ALMS1: variants seen among roughly 807,000 people sequenced by gnomAD.
ALMS1 encodes the protein ALMS1 centrosome and basal body associated protein.
ALMS1 carries 271 observed loss-of-function variants against 352.2 expected under a neutral mutation model. The observed-to-expected ratio is 0.77, with a 90% CI of 0.70 to 0.85. The LOEUF (loss-of-function observed/expected upper bound fraction) is 0.85. Ranked by LOEUF, ALMS1 falls within the 40% of genes least tolerant of loss-of-function variation. ALMS1 has a pLI of 0.00. For missense variants in ALMS1, 5,445 were observed against 4,870.7 expected, an observed-to-expected ratio of 1.12 and a Z score of -3.51; for synonymous variants, 1,865 against 1,761.2, an observed-to-expected ratio of 1.06 and a Z score of -1.48.
Position 73,452,572 on chromosome 2 carries a change from C to A in ALMS1, c.6045C>A (p.Thr2015=). 1 of 1,614,034 alleles carries A rather than the reference C, an allele frequency of 6.2e-7. No individual in the cohort carries two copies. The highest frequency in any genetic ancestry group is 8.5e-7 in the Non-Finnish European group (1 of 1,179,972). Residue 2015 remains threonine (T), a synonymous_variant, in exon 8 of 23, where the codon ACC becomes ACA. Coordinates refer to ENST00000613296, the MANE Select transcript of ALMS1 (RefSeq NM_001378454.1). The stretch of plus-strand genomic sequence containing the variant: ...AGAAAACTGAGTTTCCAGCAGCTAC[C>A]CTTAGTTCCTACTCACAAATAGAGA... ...DDQKTEFPAA[T]LSSYSQIEKP... is the part of the protein sequence containing the mutation.
Position 73,572,631 on chromosome 2 carries a change from A to G in ALMS1, c.10754A>G (p.Lys3585Arg), listed in dbSNP as rs781187789. 6 of 1,614,076 alleles carry G rather than the reference A, an allele frequency of 3.7e-6. No homozygotes were observed. The highest frequency in any genetic ancestry group is 5.1e-6 in the Non-Finnish European group (6 of 1,180,000). Reference protein sequence around the residue: ...GQISDPQRDQKVTPEQTTQHT... With the variant: ...GQISDPQRDQRVTPEQTTQHT... Reference sequence around the variant, plus strand: ...ATTAGTGATCCACAAAGGGATCAGAAGGTCACCCCAGAGCAAACAACTCAG... The same window carrying G: ...ATTAGTGATCCACAAAGGGATCAGAGGGTCACCCCAGAGCAAACAACTCAG... The change falls in exon 16 of 23, where the codon AAG becomes AGG. Residue 3585 changes from lysine to arginine, a missense_variant. Lys to Arg is a conservative substitution (Grantham distance 26). Transcript: ENST00000613296.
chr2:73,518,494 C>G (rs1392387834), intron 10 of ALMS1, among the ~76,000 whole-genome samples: 2 of 152,094 alleles, frequency 1.3e-5, no homozygotes, highest in East Asian at 3.9e-4. Flanking sequence ...CAATGGATTG[C>G]TGAGTCAAAT....
At chr2:73,555,639 C>T (rs575804302) in intron 13 of ALMS1, among the ~76,000 whole-genome samples, 18 of 152,106 alleles carry the variant, frequency 1.2e-4, no homozygotes, top group African/African-American at 3.1e-4. Flanking sequence ...TTTGCCTAAA[C>T]GATATCAAAC....
intron 5 of ALMS1, among the ~76,000 whole-genome samples, chr2:73,425,578 T>C (rs1214178919): frequency 1.3e-5 from 2 of 152,170 alleles, no homozygotes; most frequent in Non-Finnish European, 2.9e-5. Flanking sequence ...GCTGAAAATA[T>C]AGCCTTTGAG....
chr2:73,603,123 C>T, intron 20 of ALMS1, 118 bp from the exon 21 acceptor site: 1 of 900,796 alleles, frequency 1.1e-6, no homozygotes, highest in South Asian at 1.4e-5. Context: ...GCTCCCCACT[C>T]AGTCTTGCCA....
Position 73,490,316 on chromosome 2 carries a change from C to G in ALMS1, c.8357C>G (p.Thr2786Ser), listed in dbSNP as rs565373304. 13 of 1,611,574 alleles carry G rather than the reference C, an allele frequency of 8.1e-6. No individual in the cohort carries two copies. The African/African-American group carries it at 1.7e-4, about 22-fold the overall frequency. ...MHSNSQDKEV[T>S]ILAEGRRQSQ... ...AGTAATTCACAAGATAAAGAAGTGA[C>G]TATTTTAGCAGAAGGTAGAAGGCAA... The change falls in exon 10 of 23, where the codon ACT (threonine) becomes AGT (serine). Residue 2786 changes from threonine (T) to serine (S), a missense_variant. Physicochemically the swap from Thr to Ser is moderately conservative, Grantham distance 58. Transcript: ENST00000613296.
At chr2:73,457,494 C>T (rs1415723899) in intron 9 of ALMS1, among the ~76,000 whole-genome samples, 4 of 152,030 alleles carry the variant, frequency 2.6e-5, no homozygotes, top group African/African-American at 4.8e-5. Context: ...CCGCCTGCCT[C>T]GGCCTCCCAA....
In ALMS1 at chr2:73,448,836, C is replaced by G. The variant is rs187132771; in HGVS notation, c.2309C>G (p.Pro770Arg). 6.2e-7 allele frequency: 1 copy of G among 1,613,832 alleles called. No individual in the cohort carries two copies. Among genetic ancestry groups the G allele is most frequent in the East Asian group, 2.2e-5 (1 of 44,846 alleles). Residue 770 changes from proline (P) to arginine (R), a missense_variant, in exon 8 of 23, where the codon CCT becomes CGT. Transcript: ENST00000613296. ...QSSSYSQREK[P>R]SILYPQDLAD... Reference sequence around the variant, plus strand: ...AGTTCTTACTCACAAAGAGAAAAGCCTAGTATTTTGTACCCACAGGACTTA... The same window carrying G: ...AGTTCTTACTCACAAAGAGAAAAGCGTAGTATTTTGTACCCACAGGACTTA...
At chr2:73,438,817 T>C (rs1014072466) in intron 7 of ALMS1, among the ~76,000 whole-genome samples, 5 of 152,186 alleles carry the variant, frequency 3.3e-5, no homozygotes, top group African/African-American at 9.7e-5. Flanking sequence ...AATTTCTTAG[T>C]GCCTTTACTA....
chr2:73,424,871 T>G lies in ALMS1; in HGVS notation c.1206T>G (p.Asp402Glu). The G allele has an allele frequency of 6.2e-7, 1 of 1,604,560 alleles. No individual in the cohort carries two copies. The highest frequency in any genetic ancestry group is 8.5e-7 in the Non-Finnish European group (1 of 1,174,638). ...RSYGQYWTQE[D>E]SSKQAETYLT... Reference sequence around the variant, plus strand: ...ATGGGCAGTATTGGACACAGGAAGATTCATCTAAGCAGGCAGAAACATATT... The same window carrying G: ...ATGGGCAGTATTGGACACAGGAAGAGTCATCTAAGCAGGCAGAAACATATT... The change falls in exon 5 of 23, where the codon GAT becomes GAG. Residue 402 changes from aspartate (D) to glutamate (E), a missense_variant. Asp to Glu is a conservative substitution (Grantham distance 45). Transcript: ENST00000613296.
chr2:73,431,914 A>G (rs947820652), intron 6 of ALMS1, among the ~76,000 whole-genome samples: 36 of 152,176 alleles, frequency 2.4e-4, no homozygotes, highest in South Asian at 6.2e-4. Context: ...ACTATCTATA[A>G]TATTTTATCT....
At chr2:73,428,371 C>G (rs552286450) in intron 6 of ALMS1, among the ~76,000 whole-genome samples, 3 of 152,112 alleles carry the variant, frequency 2.0e-5, no homozygotes, top group African/African-American at 7.2e-5. Flanking sequence ...AAACTGTTCC[C>G]CCTCCCCCCA....
rs1675678518 is a variant in ALMS1, at chr2:73,601,243, A to T, written c.11921A>T (p.Lys3974Met). Reference sequence around the variant, plus strand: ...GAAAATGTGGAGTCTAGATCAAAGAAGGAAAACGTGCCTAACACTTGTGGC... The same window carrying T: ...GAAAATGTGGAGTCTAGATCAAAGATGGAAAACGTGCCTAACACTTGTGGC... ...PVENVESRSKKENVPNTCGPG... is the reference protein window; with the variant it reads ...PVENVESRSKMENVPNTCGPG... The change falls in exon 19 of 23, where the codon AAG becomes ATG. Residue 3974 changes from lysine (K) to methionine (M), a missense_variant. Coordinates refer to ENST00000613296, the MANE Select transcript of ALMS1 (RefSeq NM_001378454.1). The T allele has an allele frequency of 6.2e-7, 1 of 1,614,110 alleles. No homozygotes were observed. Among genetic ancestry groups the T allele is most frequent in the Non-Finnish European group, 8.5e-7 (1 of 1,180,042 alleles).
At chr2:73,554,635 C>T (rs916355389) in intron 13 of ALMS1, among the ~76,000 whole-genome samples, 1 of 152,112 alleles carries the variant, frequency 6.6e-6, no homozygotes, top group African/African-American at 2.4e-5. Context: ...ATGGCATGAA[C>T]CTGGGAGGCG....
Position 73,448,773 on chromosome 2 carries a change from C to A in ALMS1, c.2246C>A (p.Pro749Gln). 1 of 1,614,118 alleles carries A rather than the reference C, an allele frequency of 6.2e-7. No individual in the cohort carries two copies. Among genetic ancestry groups the A allele is most frequent in the Non-Finnish European group, 8.5e-7 (1 of 1,179,984 alleles). Residue 749 changes from proline (P) to glutamine (Q), a missense_variant, in exon 8 of 23, where the codon CCA (proline) becomes CAA (glutamine). Coordinates refer to ENST00000613296, the MANE Select transcript of ALMS1 (RefSeq NM_001378454.1). ...TLTKVSATPG[P>Q]ADQKTEIPAV... ...ACTAAAGTTTCAGCCACTCCTGGAC[C>A]AGCTGACCAGAAGACTGAGATACCA...
chr2:73,449,368 A>T lies in ALMS1; in HGVS notation c.2841A>T (p.Thr947=), dbSNP rs1458389707. 1.9e-6 allele frequency: 3 copies of T among 1,614,020 alleles called. No individual in the cohort carries two copies. The African/African-American group carries it at 4.0e-5, about 22-fold the overall frequency. The change falls in exon 8 of 23, where the codon ACA becomes ACT. Residue 947 remains threonine, a synonymous_variant. Transcript: ENST00000613296. ...VSVLAAQKTG[T]PTVSSNSHSH... is the part of the protein sequence containing the mutation. The stretch of plus-strand genomic sequence containing the variant: ...TATTGGCTGCCCAGAAGACTGGGAC[A>T]CCAACAGTGTCCTCTAATTCTCACT...
Position 73,424,754 on chromosome 2 carries a change from TA to T in ALMS1, c.1092del (p.Asp365IlefsTer11), listed in dbSNP as rs1572914641. On this transcript the variant is annotated frameshift_variant, in exon 5 of 23. Coordinates refer to ENST00000613296, the MANE Select transcript of ALMS1 (RefSeq NM_001378454.1). LOFTEE classifies it high-confidence loss of function. ...TQWPENNLADKDQVSVATSFD... is the reference protein window; with the variant it reads ...TQWPENNLADXDQVSVATSFD... ...AGTGGCCTGAAAACAATTTAGCTGATAAAGATCAAGTTTCAGTTGCAACTTC... is the reference window on the plus strand; with the variant it reads ...AGTGGCCTGAAAACAATTTAGCTGATAAGATCAAGTTTCAGTTGCAACTTC... The T allele has an allele frequency of 6.2e-7, 1 of 1,613,966 alleles. No individual in the cohort carries two copies. The highest frequency in any genetic ancestry group is 8.5e-7 in the Non-Finnish European group (1 of 1,179,890).
rs1420916551 is a variant in ALMS1, at chr2:73,385,958, A to C, written c.90A>C (p.Ala30=). The stretch of plus-strand genomic sequence containing the variant: ...AGGAGGAGGAAGAGGAGGAGGCTGC[A>C]GCGGCGGCGGCGGCGAACGTGGACG... The part of the protein sequence containing the change: ...EEEEEEEEEA[A]AAAAANVDDV... The change falls in exon 1 of 23, where the codon GCA becomes GCC. Residue 30 remains alanine, a synonymous_variant. Transcript: ENST00000613296. 20 of 1,398,940 alleles carry C rather than the reference A, an allele frequency of 1.4e-5. No homozygotes were observed. Among genetic ancestry groups the C allele is most frequent in the Non-Finnish European group, 2.0e-5 (20 of 1,012,334 alleles). 86.7% of individuals were successfully genotyped at this position (1,398,940 alleles called of 1,614,324 possible).
chr2:73,489,975 C>T lies in ALMS1; in HGVS notation c.8016C>T (p.Phe2672=), dbSNP rs762352626. 2.4e-5 allele frequency: 39 copies of T among 1,614,060 alleles called. No homozygotes were observed. The highest frequency in any genetic ancestry group is 1.6e-4 in the Middle Eastern group (1 of 6,084). ...FKISKGLRMP[F]DEKMDPWLSE... ...TCAGCAAAGGTCTTCGAATGCCATT[C>T]GATGAAAAGATGGACCCTTGGCTGT... is the stretch of plus-strand genomic sequence containing the variant. Residue 2672 remains phenylalanine, a synonymous_variant, in exon 10 of 23, where the codon TTC becomes TTT. Coordinates refer to ENST00000613296, the MANE Select transcript of ALMS1 (RefSeq NM_001378454.1).
Sources: gnomAD v4.1 joint callset for allele counts (sites outside exome capture counted in the v4.1 genomes callset) on GRCh38, gnomAD v4.1.1 for gene constraint, MANE v1.5 for transcripts, NCBI Gene and HGNC (gene_info 2026-07-23, HGNC 2026-07-21) for gene names.